Variants in TBXA2R observed in about 807,000 individuals in gnomAD.
TBXA2R encodes the protein thromboxane A2 receptor.
TBXA2R carries 15 observed loss-of-function variants against 15.6 expected under a neutral mutation model. That is an observed-to-expected ratio of 0.96 (90% confidence interval 0.64 to 1.48). TBXA2R has a LOEUF of 1.48. Among genes scored for constraint, TBXA2R ranks in the 40% most tolerant of loss-of-function variants. The probability of loss-of-function intolerance (pLI) is 0.00; values close to 1 mark genes in which losing one functional copy is unlikely to be tolerated. For synonymous variants in TBXA2R, 280 were observed against 241.2 expected (o/e 1.16, Z -1.49); for missense variants, 506 against 491.4 (o/e 1.03, Z -0.28).
chr19:3,605,440 C>T (rs1412213557), intron 1 of TBXA2R, among the ~76,000 whole-genome samples: 2 of 151,814 alleles, frequency 1.3e-5, no homozygotes, highest in Admixed American at 6.6e-5. Context: ...CACAGACGTG[C>T]ACAGACACAC....
In TBXA2R at chr19:3,595,113, TC is replaced by T. The variant is rs993705916; in HGVS notation, c.*574del. ...AAAAAAAATGGCCAGGTGTGGTGGT[TC>T]ATGCCTGTGATCCCAGCACTTTGGG... On this transcript the variant is annotated 3_prime_UTR_variant, in exon 3 of 3. Transcript: ENST00000375190. 2.8e-6 allele frequency: 2 copies of T among 707,266 alleles called. No individual in the cohort carries two copies. Among genetic ancestry groups the T allele is most frequent in the African/African-American group, 3.7e-5 (2 of 54,674 alleles). 43.8% of individuals were successfully genotyped at this position (707,266 alleles called of 1,614,324 possible).
At chr19:3,601,584 A>C (rs1214300111) in intron 1 of TBXA2R, among the ~76,000 whole-genome samples, 1 of 151,868 alleles carries the variant, frequency 6.6e-6, no homozygotes, top group Non-Finnish European at 1.5e-5. Flanking sequence ...AAACAAAAAA[A>C]TGGGGCCAGG....
In TBXA2R at chr19:3,600,725, G is replaced by T; in HGVS notation, c.-83-8C>A. On this transcript the variant is annotated splice_region_variant and splice_polypyrimidine_tract_variant and intron_variant, in intron 1 of 2. Transcript: ENST00000375190. ...GCACTGGTTCAGGCACACCTGGGAGGCGAGAGAAGATTTGCTTGTGATTAA... is the reference window on the plus strand; with the variant it reads ...GCACTGGTTCAGGCACACCTGGGAGTCGAGAGAAGATTTGCTTGTGATTAA... The T allele has an allele frequency of 1.4e-6, 2 of 1,446,456 alleles. No individual in the cohort carries two copies. The highest frequency in any genetic ancestry group is 1.2e-5 in the South Asian group (1 of 82,336). The allele number at this position is 1,446,456 out of a possible 1,614,324, so 89.6% of individuals were successfully genotyped here.
At chr19:3,597,254 A>G (rs958628861) in intron 2 of TBXA2R, among the ~76,000 whole-genome samples, 25 of 151,558 alleles carry the variant, frequency 1.6e-4, no homozygotes, top group African/African-American at 6.0e-4. Context: ...AAATTTTTAA[A>G]CTATATTTAA....
intron 1 of TBXA2R, among the ~76,000 whole-genome samples, chr19:3,603,427 C>A (rs972500972): frequency 7.9e-5 from 12 of 152,188 alleles, no homozygotes; most frequent in Non-Finnish European, 1.6e-4. Context: ...CTCTGGCGAT[C>A]GTTGCCCTCC....
intron 1 of TBXA2R, among the ~76,000 whole-genome samples, chr19:3,604,449 C>T (rs564797684): frequency 6.6e-6 from 1 of 152,206 alleles, no homozygotes; most frequent in Admixed American, 6.5e-5. Context: ...CAGCAGGCCT[C>T]TCCTCCGCCC....
At chr19:3,604,638 C>T (rs1040952896) in intron 1 of TBXA2R, among the ~76,000 whole-genome samples, 6 of 152,086 alleles carry the variant, frequency 3.9e-5, no homozygotes, top group African/African-American at 1.4e-4. Flanking sequence ...CCCTGATCTG[C>T]CGTGGCCAGG....
At chr19:3,602,771 AAAAAAG>A (rs2032761878) in intron 1 of TBXA2R, among the ~76,000 whole-genome samples, 1 of 151,814 alleles carries the variant, frequency 6.6e-6, no homozygotes, top group Admixed American at 6.6e-5. Context: ...AAAAAAAAAA[AAAAAAG>A]AAAAAGAAAA....
intron 2 of TBXA2R, among the ~76,000 whole-genome samples, chr19:3,597,391 T>C (rs2032624339): frequency 1.3e-5 from 2 of 148,604 alleles, no homozygotes; most frequent in South Asian, 4.2e-4. Flanking sequence ...ACAATTATAT[T>C]ATAATTAAAT....
rs138880677 is a variant in TBXA2R at position 3,598,279 on chromosome 19, G to T, written c.786+1570C>A. 2.2e-3 allele frequency among the ~76,000 whole-genome samples: 330 copies of T among 152,072 alleles called. 1 individual carries two copies. Among genetic ancestry groups the T allele is most frequent in the African/African-American group, 7.6e-3 (317 of 41,466 alleles). ...GGGTTTAGAGCAAGGGTTGACCCATGGGCCAAATCTGGCCTGCCACTTGCT... is the reference window on the plus strand; with the variant it reads ...GGGTTTAGAGCAAGGGTTGACCCATTGGCCAAATCTGGCCTGCCACTTGCT... On this transcript the variant is annotated intron_variant, in intron 2 of 2. Coordinates refer to ENST00000375190, the MANE Select transcript of TBXA2R (RefSeq NM_001060.6).
Position 3,600,078 on chromosome 19 carries a change from G to C in TBXA2R, c.557C>G (p.Thr186Arg). 6.2e-7 allele frequency: 1 copy of C among 1,612,478 alleles called. No homozygotes were observed. The highest frequency in any genetic ancestry group is 8.5e-7 in the Non-Finnish European group (1 of 1,179,710). Residue 186 changes from threonine to arginine, a missense_variant, in exon 2 of 3, where the codon ACG (threonine) becomes AGG (arginine). Thr to Arg is a moderately conservative substitution (Grantham distance 71). Transcript: ENST00000375190. ...CACGTCCCCGGACTCGGCGCCCAGC[G>C]TCAGGAAGCACCAGGACCCCGGGTA... is the stretch of plus-strand genomic sequence containing the variant. The part of the protein sequence containing the change: ...VQYPGSWCFL[T>R]LGAESGDVAF...
chr19:3,601,058 C>T (rs2032730890), intron 1 of TBXA2R, among the ~76,000 whole-genome samples: 1 of 151,596 alleles, frequency 6.6e-6, no homozygotes, highest in African/African-American at 2.4e-5. Context: ...CCGGCCTTTT[C>T]CTCCATTTTC....
At position 3,600,434 on chromosome 19, in the gene TBXA2R, G is replaced by C; in HGVS notation, c.201C>G (p.Leu67=). 6.2e-7 allele frequency: 1 copy of C among 1,613,244 alleles called. No individual in the cohort carries two copies. Residue 67 remains leucine (L), a synonymous_variant, in exon 2 of 3, where the codon CTC becomes CTG. Coordinates refer to ENST00000375190, the MANE Select transcript of TBXA2R (RefSeq NM_001060.6). ...GGAAGTCGGTGAGGACGAGGCCGCA[G>C]AGGAAGGTGAGGAAGGAGGAGCGCG... The part of the protein sequence containing the change: ...SHTRSSFLTF[L]CGLVLTDFLG...
intron 2 of TBXA2R, among the ~76,000 whole-genome samples, chr19:3,596,282 A>C (rs1030152510): frequency 7.2e-5 from 11 of 152,110 alleles, no homozygotes; most frequent in Non-Finnish European, 1.6e-4. Flanking sequence ...CACCAGCCTC[A>C]GCCTCCCAGA....
chr19:3,597,318 CAATTATATGATAATTATTCAT>C (rs1251655987), intron 2 of TBXA2R, among the ~76,000 whole-genome samples: 1 of 145,946 alleles, frequency 6.9e-6, no homozygotes, highest in African/African-American at 2.7e-5. Flanking sequence ...ATATAATAAT[CAATTATATGATAATTATTCAT>C]AATTATAATG....
chr19:3,595,340 C>T lies in TBXA2R; in HGVS notation c.*348G>A. The T allele has an allele frequency of 3.7e-6, 5 of 1,354,550 alleles. No individual in the cohort carries two copies. The South Asian group carries it at 6.3e-5, about 17-fold the overall frequency. 83.9% of individuals were successfully genotyped at this position (1,354,550 alleles called of 1,614,324 possible). On this transcript the variant is annotated 3_prime_UTR_variant, in exon 3 of 3. Transcript: ENST00000375190. ...GTTGCAGTGAGCTGAGATTGCGCCA[C>T]TGCACTCCAGCCTGGGGGACAGAGC...
intron 2 of TBXA2R, among the ~76,000 whole-genome samples, chr19:3,599,360 C>T (rs970574435): frequency 2.7e-5 from 4 of 148,040 alleles, no homozygotes; most frequent in East Asian, 3.9e-4. Flanking sequence ...GACGGAGTCT[C>T]GCTCTGTCGC....
At chr19:3,595,987 CG>C in intron 2 of TBXA2R, 54 bp from the exon 3 acceptor site, 2 of 1,552,096 alleles carry the variant, frequency 1.3e-6, no homozygotes, top group Non-Finnish European at 1.7e-6. Context: ...CCGCCCGCCC[CG>C]GTCCCTGCCC....
chr19:3,600,475 G>T lies in TBXA2R; in HGVS notation c.160C>A (p.Gln54Lys). The T allele has an allele frequency of 6.2e-7, 1 of 1,612,642 alleles. No individual in the cohort carries two copies. The highest frequency in any genetic ancestry group is 8.5e-7 in the Non-Finnish European group (1 of 1,179,606). ...LALSVLAGAR[Q>K]GGSHTRSSFL... ...GAGGAGCGCGTGTGCGAACCCCCCT[G>T]CCGCGCGCCCGCCAGCACGCTCAGG... Residue 54 changes from glutamine (Q) to lysine (K), a missense_variant, in exon 2 of 3, where the codon CAG (glutamine) becomes AAG (lysine). Physicochemically the swap from Gln to Lys is moderately conservative, Grantham distance 53 (BLOSUM62 1). Coordinates refer to ENST00000375190, the MANE Select transcript of TBXA2R (RefSeq NM_001060.6).
Sources: allele counts gnomAD v4.1 joint callset (sites outside exome capture counted in the v4.1 genomes callset), GRCh38; gene constraint gnomAD v4.1.1; transcripts MANE v1.5; gene names NCBI Gene and HGNC (gene_info 2026-07-23, HGNC 2026-07-21).